The following PKHD1 variants were observed in gnomAD, a reference collection of about 807,000 sequenced individuals.
The protein encoded by PKHD1 is PKHD1 ciliary IPT domain containing fibrocystin/polyductin.
PKHD1 carries 291 observed loss-of-function variants against 412.0 expected under a neutral mutation model. The ratio of observed to expected loss-of-function variants is 0.71; its 90% CI spans 0.64 to 0.78. The LOEUF is 0.78. Among genes scored for constraint, PKHD1 ranks in the 30% least tolerant of loss-of-function variants. The pLI is 0.00. For missense variants in PKHD1, 4,825 were observed against 4,950.7 expected, an observed-to-expected ratio of 0.97 and a Z score of 0.76; for synonymous variants, 1,777 against 1,821.5, an observed-to-expected ratio of 0.98 and a Z score of 0.62.
chr6:51,816,765 T>C (rs188575597), intron 52 of PKHD1, among the ~76,000 whole-genome samples: 10 of 152,348 alleles, frequency 6.6e-5, no homozygotes, highest in Non-Finnish European at 1.5e-5. Flanking sequence ...ACTTTCCTTT[T>C]TCTGTCCATA....
At chr6:51,638,113 T>G (rs1768823724) in intron 64 of PKHD1, among the ~76,000 whole-genome samples, 1 of 152,194 alleles carries the variant, frequency 6.6e-6, no homozygotes, top group Admixed American at 6.5e-5. Context: ...GCTGAAACAA[T>G]TTTTATATAG....
At position 52,033,698 on chromosome 6, in the gene PKHD1, T is replaced by C. The variant is rs1347423428; in HGVS notation, c.3229-533A>G. Among the ~76,000 whole-genome samples, 3 of 151,880 alleles carry C rather than the reference T, an allele frequency of 2.0e-5. No individual in the cohort carries two copies. In the East Asian group the frequency reaches 5.8e-4, roughly 29 times the overall value. ...TACTCAAGAAAGCAATCAAAGTAAGTACTAGGATAAAATCTGTAGAATAAA... is the reference window on the plus strand; with the variant it reads ...TACTCAAGAAAGCAATCAAAGTAAGCACTAGGATAAAATCTGTAGAATAAA... On this transcript the variant is annotated intron_variant, in intron 28 of 66. Transcript: ENST00000371117.
At chr6:51,936,502 C>T (rs1210141973) in intron 36 of PKHD1, among the ~76,000 whole-genome samples, 3 of 152,120 alleles carry the variant, frequency 2.0e-5, no homozygotes, top group Non-Finnish European at 4.4e-5. Context: ...CCAGAAATCA[C>T]AGCTGGAAGT....
intron 63 of PKHD1, among the ~76,000 whole-genome samples, chr6:51,646,718 G>A (rs2150358570): frequency 6.6e-6 from 1 of 152,206 alleles, no homozygotes; most frequent in African/African-American, 2.4e-5. Flanking sequence ...CCTATAAGTT[G>A]TCCTTAAGTC....
At chr6:51,844,081 A>G (rs138796765) in intron 50 of PKHD1, among the ~76,000 whole-genome samples, 13 of 152,352 alleles carry the variant, frequency 8.5e-5, no homozygotes, top group African/African-American at 2.6e-4. Flanking sequence ...TCTAAAAAGA[A>G]AGAAAACTTC....
intron 36 of PKHD1, among the ~76,000 whole-genome samples, chr6:51,959,035 G>C (rs1791593815): frequency 6.6e-6 from 1 of 152,052 alleles, no homozygotes. Context: ...AATTCCATTA[G>C]TTTATCCTCT....
intron 52 of PKHD1, among the ~76,000 whole-genome samples, chr6:51,823,643 C>G (rs1766831418): frequency 6.6e-6 from 1 of 152,094 alleles, no homozygotes; most frequent in African/African-American, 2.4e-5. Context: ...GAATCTCAAC[C>G]TATTTCAATA....
At chr6:51,627,543 C>T (rs969867805) in intron 65 of PKHD1, among the ~76,000 whole-genome samples, 1 of 151,948 alleles carries the variant, frequency 6.6e-6, no homozygotes, top group Admixed American at 6.6e-5. Flanking sequence ...TCATGTTATA[C>T]TTCCGTAGGA....
At chr6:51,658,928 G>A (rs768599185) in intron 61 of PKHD1, 24 bp downstream of exon 61, 13 of 1,526,006 alleles carry the variant, frequency 8.5e-6, no homozygotes, top group Non-Finnish European at 1.2e-5. Flanking sequence ...CCCTCATTTG[G>A]ATGTGAATAT....
chr6:51,803,659 T>C (rs1391162402), intron 52 of PKHD1, among the ~76,000 whole-genome samples: 1 of 151,604 alleles, frequency 6.6e-6, no homozygotes, highest in Non-Finnish European at 1.5e-5. Context: ...CTGTGATATA[T>C]GCCAAAGAAA....
chr6:51,706,924 A>T (rs1055390672), intron 60 of PKHD1, among the ~76,000 whole-genome samples: 1 of 152,206 alleles, frequency 6.6e-6, no homozygotes, highest in Non-Finnish European at 1.5e-5. Flanking sequence ...TTGAGAATTC[A>T]TATGCTAGCC....
rs1562072867 is a variant in PKHD1, at chr6:51,989,931, GGAAAGAAGGAAGGAAGAAAGGAAGGAAA to G, written c.5751+20350_5751+20377del. Reference sequence around the variant, plus strand: ...AGGAAGGAAGGAAGGAAGGAAGGAAGGAAAGAAGGAAGGAAGAAAGGAAGGAAAGAAGGAAGGAAGGAAGGAAGGAAGG... The same window carrying G: ...AGGAAGGAAGGAAGGAAGGAAGGAAGGAAGGAAGGAAGGAAGGAAGGAAGG... On this transcript the variant is annotated intron_variant, in intron 35 of 66. Transcript: ENST00000371117. Among the ~76,000 whole-genome samples, 125 of 102,876 alleles carry G rather than the reference GGAAAGAAGGAAGGAAGAAAGGAAGGAAA, an allele frequency of 1.2e-3. 1 individual carries two copies. Among genetic ancestry groups the G allele is most frequent in the Middle Eastern group, 9.7e-3 (2 of 206 alleles). 67.5% of individuals were successfully genotyped at this position (102,876 alleles called of 152,430 possible).
chr6:51,741,031 T>C, intron 60 of PKHD1: 1 of 508,228 alleles, frequency 2.0e-6, no homozygotes, highest in South Asian at 1.5e-5. Context: ...ACACTGATAG[T>C]AAATCGTGTG....
chr6:51,887,654 G>A (rs186306760), intron 43 of PKHD1, among the ~76,000 whole-genome samples: 13 of 152,206 alleles, frequency 8.5e-5, no homozygotes, highest in African/African-American at 3.1e-4. Context: ...CTCTGTTCCT[G>A]CCATGTAAGT....
intron 60 of PKHD1, among the ~76,000 whole-genome samples, chr6:51,669,096 G>T (rs1375263685): frequency 6.6e-6 from 1 of 152,084 alleles, no homozygotes; most frequent in African/African-American, 2.4e-5. Context: ...TTTTTCTATT[G>T]ATTGGAATAG....
chr6:51,682,637 G>T (rs944868274), intron 60 of PKHD1, among the ~76,000 whole-genome samples: 1 of 152,070 alleles, frequency 6.6e-6, no homozygotes, highest in Admixed American at 6.6e-5. Flanking sequence ...AACAGGGCAA[G>T]TTGAGTGAAC....
chr6:51,948,016 C>T (rs1480817978), intron 36 of PKHD1, among the ~76,000 whole-genome samples: 1 of 152,126 alleles, frequency 6.6e-6, no homozygotes, highest in Admixed American at 6.5e-5. Context: ...CTGTCTCTCA[C>T]TCCATAATCA....
intron 34 of PKHD1, among the ~76,000 whole-genome samples, chr6:52,012,975 CTCT>C (rs927959501): frequency 3.9e-5 from 6 of 152,146 alleles, no homozygotes; most frequent in African/African-American, 1.4e-4. Flanking sequence ...AGAATTCCTC[CTCT>C]TTTTTTTAGG....
intron 50 of PKHD1, 66 bp from the exon 51 acceptor site, chr6:51,836,535 C>T (rs1582955113): frequency 2.4e-5 from 28 of 1,144,520 alleles, no homozygotes; most frequent in Middle Eastern, 1.9e-4. Flanking sequence ...GACAGTCACA[C>T]GTGAGAAAAG....
Sources: gnomAD v4.1 joint callset for allele counts (sites outside exome capture counted in the v4.1 genomes callset) on GRCh38, gnomAD v4.1.1 for gene constraint, MANE v1.5 for transcripts, NCBI Gene and HGNC (gene_info 2026-07-23, HGNC 2026-07-21) for gene names.